Variants in HEATR5A observed in about 807,000 individuals in gnomAD.
HEATR5A encodes the protein HEAT repeat-containing protein 5A.
In HEATR5A, 178 loss-of-function variants were observed where a neutral mutation model predicts 218.8. The observed-to-expected ratio is 0.81, with a 90% confidence interval of 0.72 to 0.92. HEATR5A has a LOEUF of 0.92. Among genes scored for constraint, HEATR5A ranks in the 40% least tolerant of loss-of-function variants. The probability of loss-of-function intolerance (pLI) is 0.00; values close to 1 mark genes in which losing one functional copy is unlikely to be tolerated. For synonymous variants in HEATR5A, 864 were observed against 871.6 expected, an observed-to-expected ratio of 0.99 and a Z score of 0.15; for missense variants, 2,420 against 2,418.9, an observed-to-expected ratio of 1.00 and a Z score of -0.01.
intron 23 of HEATR5A, 76 bp from the exon 24 acceptor site, chr14:31,323,880 A>G: frequency 9.9e-7 from 1 of 1,007,622 alleles, no homozygotes; most frequent in Non-Finnish European, 1.4e-6. Context: ...GAACAAAAAA[A>G]TGACTTCAAA....
chr14:31,391,091 A>G (rs1245372891), intron 6 of HEATR5A, among the ~76,000 whole-genome samples: 1 of 152,228 alleles, frequency 6.6e-6, no homozygotes, highest in African/African-American at 2.4e-5. Flanking sequence ...AAAAGCTTAT[A>G]GAACAAGGAT....
chr14:31,387,015 C>T (rs1187919816), intron 8 of HEATR5A, 105 bp downstream of exon 8: 2 of 1,106,064 alleles, frequency 1.8e-6, no homozygotes, highest in Non-Finnish European at 2.6e-6. Context: ...TTCTATCAGC[C>T]TTCAAGGTTT....
intron 22 of HEATR5A, among the ~76,000 whole-genome samples, chr14:31,335,376 G>C (rs894885325): frequency 6.6e-6 from 1 of 151,622 alleles, no homozygotes; most frequent in Non-Finnish European, 1.5e-5. Flanking sequence ...TTAGAGACAA[G>C]GTCTCACTAT....
chr14:31,294,144 A>G (rs1899101685), intron 34 of HEATR5A, 40 bp from the exon 35 acceptor site: 1 of 1,315,656 alleles, frequency 7.6e-7, no homozygotes, highest in Admixed American at 2.3e-5. Context: ...TACTATAAAT[A>G]AATTTTTAAA....
At chr14:31,350,008 T>C in intron 17 of HEATR5A, 29 bp from the exon 18 acceptor site, 1 of 1,431,072 alleles carries the variant, frequency 7.0e-7, no homozygotes, top group Non-Finnish European at 9.3e-7. Context: ...AACCCAAACT[T>C]ACAATTGTAG....
In HEATR5A at chr14:31,374,816, C is replaced by T; in HGVS notation, c.1861G>A (p.Ala621Thr). ...AGAGAAAAGACTAAATCCAACCTAC[C>T]ACACAGTGCACCAGCTCGTCCTTCC... The part of the protein sequence containing the change: ...TLEGRAGALC[A>T]IKSFVSHCGD... Residue 621 changes from alanine (A) to threonine (T), a missense_variant and splice_region_variant, in exon 12 of 36, where the codon GCT becomes ACT. Ala to Thr is a moderately conservative substitution (Grantham distance 58, BLOSUM62 0). Coordinates refer to ENST00000543095, the MANE Select transcript of HEATR5A (RefSeq NM_015473.4). The T allele has an allele frequency of 6.2e-7, 1 of 1,610,798 alleles. No homozygotes were observed. The highest frequency in any genetic ancestry group is 8.5e-7 in the Non-Finnish European group (1 of 1,178,672).
At chr14:31,325,583 A>C (rs1265444581) in intron 23 of HEATR5A, among the ~76,000 whole-genome samples, 2 of 151,996 alleles carry the variant, frequency 1.3e-5, no homozygotes, top group South Asian at 4.2e-4. Context: ...ATCTTGGCTC[A>C]CTGCAACCTC....
At chr14:31,332,673 C>T (rs1900511693) in intron 22 of HEATR5A, among the ~76,000 whole-genome samples, 1 of 152,032 alleles carries the variant, frequency 6.6e-6, no homozygotes, top group Admixed American at 6.6e-5. Context: ...CCTTATTAAC[C>T]AACACAGAGA....
At chr14:31,381,023 T>A (rs907492857) in intron 10 of HEATR5A, among the ~76,000 whole-genome samples, 1 of 151,490 alleles carries the variant, frequency 6.6e-6, no homozygotes, top group East Asian at 2.0e-4. Context: ...CTGAGGCGGG[T>A]GGATCACAAA....
chr14:31,377,221 G>A (rs1220884834), intron 11 of HEATR5A, among the ~76,000 whole-genome samples: 1 of 151,488 alleles, frequency 6.6e-6, no homozygotes, highest in African/African-American at 2.4e-5. Context: ...AGAAAATGTA[G>A]TGTAAAACCT....
intron 25 of HEATR5A, chr14:31,320,623 G>C: frequency 1.4e-6 from 1 of 694,726 alleles, no homozygotes; most frequent in Non-Finnish European, 2.6e-6. Context: ...GTAATACCCC[G>C]GTGGTCTGCA....
In HEATR5A at chr14:31,383,566, T is replaced by C; in HGVS notation, c.1551A>G (p.Gly517=). The change falls in exon 10 of 36, where the codon GGA becomes GGG. Residue 517 remains glycine, a synonymous_variant. Transcript: ENST00000543095. ...GFSFAVAALL[G]AVKHCPLGIP... ...TTCCTAAAGGACAATGTTTTACTGC[T>C]CCCAACAAAGCTGCTACAGCAAAAC... The C allele has an allele frequency of 6.2e-7, 1 of 1,613,936 alleles. No individual in the cohort carries two copies. The highest frequency in any genetic ancestry group is 2.2e-5 in the East Asian group (1 of 44,874).
chr14:31,307,836 T>C (rs1899603652), intron 30 of HEATR5A, 57 bp downstream of exon 30: 2 of 1,558,930 alleles, frequency 1.3e-6, no homozygotes, highest in Non-Finnish European at 8.7e-7. Flanking sequence ...AACCTGAACA[T>C]GTTTCTCTTC....
intron 27 of HEATR5A, among the ~76,000 whole-genome samples, chr14:31,313,655 T>C (rs1899827387): frequency 6.6e-6 from 1 of 152,226 alleles, no homozygotes; most frequent in African/African-American, 2.4e-5. Context: ...GTGTATAACA[T>C]GCACTATCCC....
chr14:31,386,344 C>A, intron 9 of HEATR5A, 76 bp downstream of exon 9: 2 of 1,035,434 alleles, frequency 1.9e-6, no homozygotes, highest in South Asian at 1.6e-5. Flanking sequence ...TATAAGTAAG[C>A]TATATGAAGA....
intron 32 of HEATR5A, among the ~76,000 whole-genome samples, chr14:31,303,280 A>G (rs1028846025): frequency 6.6e-6 from 1 of 151,996 alleles, no homozygotes; most frequent in Non-Finnish European, 1.5e-5. Context: ...TAAAAATACA[A>G]AAATTAGCCG....
chr14:31,414,424 C>G (rs993584552), intron 1 of HEATR5A, among the ~76,000 whole-genome samples: 1 of 152,054 alleles, frequency 6.6e-6, no homozygotes, highest in East Asian at 1.9e-4. Flanking sequence ...TAGAGAAACA[C>G]ATTAAAAGTA....
At chr14:31,360,139 G>A (rs541656893) in intron 14 of HEATR5A, among the ~76,000 whole-genome samples, 4 of 150,612 alleles carry the variant, frequency 2.7e-5, no homozygotes, top group South Asian at 4.2e-4. Context: ...GTTTGCTTCC[G>A]TGTTTGAATC....
intron 14 of HEATR5A, among the ~76,000 whole-genome samples, chr14:31,363,512 A>G (rs1901698490): frequency 6.6e-6 from 1 of 152,164 alleles, no homozygotes; most frequent in Non-Finnish European, 1.5e-5. Context: ...TTATGTTTCA[A>G]TCCTGATTCC....
Sources: allele counts gnomAD v4.1 joint callset (sites outside exome capture counted in the v4.1 genomes callset), GRCh38; gene constraint gnomAD v4.1.1; transcripts MANE v1.5; gene names NCBI Gene and HGNC (gene_info 2026-07-23, HGNC 2026-07-21).